WNT3A: variants seen among roughly 807,000 people sequenced by gnomAD.
The protein encoded by WNT3A is Wnt family member 3A, also known as protein Wnt-3a.
Under a neutral mutation model 37.0 loss-of-function variants are expected in WNT3A, and 17 were observed. That is an observed-to-expected ratio of 0.46 (90% confidence interval 0.31 to 0.69). The LOEUF is 0.69. WNT3A is among the 30% of genes least tolerant of loss of function. WNT3A has a pLI of 0.05. For synonymous variants in WNT3A, 187 were observed against 211.0 expected, an observed-to-expected ratio of 0.89 and a Z score of 0.99; for missense variants, 411 against 510.2, an observed-to-expected ratio of 0.81 and a Z score of 1.87.
chr1:228,055,409 G>A (rs1287337036), intron 3 of WNT3A, among the ~76,000 whole-genome samples: 2 of 150,488 alleles, frequency 1.3e-5, no homozygotes, highest in Non-Finnish European at 3.0e-5. Flanking sequence ...AATATAAATA[G>A]ATACAGGTAG....
At position 228,023,171 on chromosome 1, in the gene WNT3A, G is replaced by A. The variant is rs181035436; in HGVS notation, c.313+263G>A. Among the ~76,000 whole-genome samples, 606 of 152,354 alleles carry A rather than the reference G, an allele frequency of 4.0e-3. 14 individuals are homozygous for A. The highest frequency in any genetic ancestry group is 0.035 in the Admixed American group (542 of 15,306). On this transcript the variant is annotated intron_variant, in intron 2 of 3. Transcript: ENST00000284523. Reference sequence around the variant, plus strand: ...GGTGACTCCAACCATGGCCAGTGGCGGGGCTGCTCCCAGGAGCCAGGGCAC... The same window carrying A: ...GGTGACTCCAACCATGGCCAGTGGCAGGGCTGCTCCCAGGAGCCAGGGCAC...
chr1:228,032,586 T>C (rs2031036786), intron 2 of WNT3A, among the ~76,000 whole-genome samples: 1 of 152,224 alleles, frequency 6.6e-6, no homozygotes, highest in Non-Finnish European at 1.5e-5. Context: ...ATATTTTGTT[T>C]ATCCATTCAC....
In WNT3A at chr1:228,037,885, C is replaced by G. The variant is rs1486614362; in HGVS notation, c.314-12771C>G. 6.6e-6 allele frequency among the ~76,000 whole-genome samples: 1 copy of G among 152,222 alleles called. No homozygotes were observed. The highest frequency in any genetic ancestry group is 1.5e-5 in the Non-Finnish European group (1 of 68,018). ...TTAAAGCGTCTGAATGGGGATTTCC[C>G]CTCGCGCCGGACGGCCTGGCGCGCG... On this transcript the variant is annotated intron_variant, in intron 2 of 3. Coordinates refer to ENST00000284523, the MANE Select transcript of WNT3A (RefSeq NM_033131.4). This position sits in a 1 kb window ranked among gnomAD's most constrained non-coding sequence, Gnocchi z 4.1.
intron 1 of WNT3A, among the ~76,000 whole-genome samples, chr1:228,014,721 T>G (rs1450059929): frequency 2.0e-5 from 3 of 152,374 alleles, no homozygotes; most frequent in African/African-American, 7.2e-5. Context: ...TGGCCCGGAC[T>G]GGGCTGGCCT....
At chr1:228,051,446 G>A (rs568634710) in intron 3 of WNT3A, among the ~76,000 whole-genome samples, 21 of 152,302 alleles carry the variant, frequency 1.4e-4, no homozygotes, top group Admixed American at 3.3e-4. Context: ...GTAAAGCTTC[G>A]TGAGCCTGTG....
intron 2 of WNT3A, among the ~76,000 whole-genome samples, chr1:228,043,746 A>C (rs2031341045): frequency 6.6e-6 from 1 of 152,124 alleles, no homozygotes; most frequent in Non-Finnish European, 1.5e-5. Flanking sequence ...ACCTGTGGAA[A>C]TCTGATCAAA....
At chr1:228,024,638 T>C (rs58445702) in intron 2 of WNT3A, among the ~76,000 whole-genome samples, 2,236 of 152,238 alleles carry the variant, frequency 0.015, 68 homozygotes, top group African/African-American at 0.049. Flanking sequence ...TGTGAGAGTG[T>C]CCTTTGATAC....
chr1:228,059,549 A>C lies in WNT3A; in HGVS notation c.*84A>C. The C allele has an allele frequency of 1.4e-6, 2 of 1,414,106 alleles. No individual in the cohort carries two copies. The highest frequency in any genetic ancestry group is 1.8e-6 in the Non-Finnish European group (2 of 1,090,032). The allele number at this position is 1,414,106 out of a possible 1,614,324, so 87.6% of individuals were successfully genotyped here. A position where few individuals can be genotyped will look rare whatever the true frequency, so the allele number is the denominator to read the frequency against. On this transcript the variant is annotated 3_prime_UTR_variant, in exon 4 of 4. Transcript: ENST00000284523. ...TGGGTGGAGCAGGACTCCCACCTAA[A>C]CGGGGCAGTACTCCTCCCTGGGGGC...
intron 2 of WNT3A, among the ~76,000 whole-genome samples, chr1:228,027,015 G>C (rs1281899975): frequency 6.6e-6 from 1 of 151,934 alleles, no homozygotes; most frequent in Non-Finnish European, 1.5e-5. Context: ...ACTAATTTTT[G>C]TTTTTTCAGT....
chr1:228,023,044 C>T, intron 2 of WNT3A, 136 bp downstream of exon 2: 3 of 1,376,630 alleles, frequency 2.2e-6, no homozygotes, highest in South Asian at 3.0e-5. Context: ...TTCCCGCTTA[C>T]CTCCAGGAGG....
At chr1:228,045,962 G>A (rs754153121) in intron 2 of WNT3A, among the ~76,000 whole-genome samples, 5 of 152,228 alleles carry the variant, frequency 3.3e-5, no homozygotes, top group East Asian at 1.9e-4. Context: ...CTAGGCAGCC[G>A]CGGCTAGGGA....
intron 2 of WNT3A, among the ~76,000 whole-genome samples, chr1:228,040,696 A>G (rs2031257395): frequency 6.6e-6 from 1 of 151,984 alleles, no homozygotes; most frequent in Non-Finnish European, 1.5e-5. Flanking sequence ...ATCCTGGCTA[A>G]CACGGTGAAA....
chr1:228,022,902 G>A lies in WNT3A; in HGVS notation c.307G>A (p.Asp103Asn). ...CCTGGCCATCTTCGGGCCCGTGCTGGACAAAGGTATGGGGGTGGTCTGGGG... is the reference window on the plus strand; with the variant it reads ...CCTGGCCATCTTCGGGCCCGTGCTGAACAAAGGTATGGGGGTGGTCTGGGG... ...DSLAIFGPVLDKATRESAFVH... is the reference protein window; with the variant it reads ...DSLAIFGPVLNKATRESAFVH... Residue 103 changes from aspartate to asparagine, a missense_variant, in exon 2 of 4, where the codon GAC becomes AAC. Physicochemically the swap from Asp to Asn is conservative, Grantham distance 23. Transcript: ENST00000284523. The A allele has an allele frequency of 6.2e-7, 1 of 1,606,892 alleles. No homozygotes were observed. The highest frequency in any genetic ancestry group is 8.5e-7 in the Non-Finnish European group (1 of 1,174,866).
chr1:228,060,324 C>T lies in WNT3A; in HGVS notation c.*859C>T, dbSNP rs2031777041. ...CCATGAAGCGAGTCGGGTCCCCAAC[C>T]CGTGCCCCTGGGATCCGAGGGCCCC... On this transcript the variant is annotated 3_prime_UTR_variant, in exon 4 of 4. Transcript: ENST00000284523. 1 of 1,346,570 alleles carries T rather than the reference C, an allele frequency of 7.4e-7. No individual in the cohort carries two copies. Among genetic ancestry groups the T allele is most frequent in the African/African-American group, 1.5e-5 (1 of 67,606 alleles). The allele number at this position is 1,346,570 out of a possible 1,614,324, so 83.4% of individuals were successfully genotyped here. A position where few individuals can be genotyped will look rare whatever the true frequency, so the allele number is the denominator to read the frequency against.
rs752736028 is a variant in WNT3A at position 228,031,216 on chromosome 1, G to A, written c.313+8308G>A. Among the ~76,000 whole-genome samples the A allele has an allele frequency of 3.4e-4, 52 of 152,246 alleles. No individual in the cohort carries two copies. The highest frequency in any genetic ancestry group is 1.1e-3 in the African/African-American group (45 of 41,460). On this transcript the variant is annotated intron_variant, in intron 2 of 3. Transcript: ENST00000284523. This position sits in a 1 kb window ranked among gnomAD's most constrained non-coding sequence, Gnocchi z 4.8. ...ACTGTGGGTCTGGGATGAGGAGGAC[G>A]TCCCTGAAGGACAAGTCAGGGTCCC...
At chr1:228,056,183 C>T (rs1023380386) in intron 3 of WNT3A, among the ~76,000 whole-genome samples, 1 of 152,340 alleles carries the variant, frequency 6.6e-6, no homozygotes, top group South Asian at 2.1e-4. Flanking sequence ...TGTACAGGAA[C>T]TTCCAATAAG....
chr1:228,042,556 T>A lies in WNT3A; in HGVS notation c.314-8100T>A, dbSNP rs1252955158. Among the ~76,000 whole-genome samples the A allele has an allele frequency of 6.6e-6, 1 of 151,892 alleles. No individual in the cohort carries two copies. The highest frequency in any genetic ancestry group is 1.5e-5 in the Non-Finnish European group (1 of 67,972). The stretch of plus-strand genomic sequence containing the variant: ...AATGTACAGATGATGAAGGGGATGA[T>A]GGATGGATGATGGTTGAATGGTGGA... On this transcript the variant is annotated intron_variant, in intron 2 of 3. Coordinates refer to ENST00000284523, the MANE Select transcript of WNT3A (RefSeq NM_033131.4). This position sits in a 1 kb window ranked among gnomAD's most constrained non-coding sequence, Gnocchi z 5.2.
rs2031778062 is a variant in WNT3A at position 228,060,382 on chromosome 1, C to T, written c.*917C>T. On this transcript the variant is annotated 3_prime_UTR_variant, in exon 4 of 4. Transcript: ENST00000284523. Reference sequence around the variant, plus strand: ...GCGCCTGGCTTTGGAATGCTCCAGGCGCGCCGACGCCTGTGCCACCCCTTC... The same window carrying T: ...GCGCCTGGCTTTGGAATGCTCCAGGTGCGCCGACGCCTGTGCCACCCCTTC... The T allele has an allele frequency of 1.8e-6, 2 of 1,117,166 alleles. No homozygotes were observed. Among genetic ancestry groups the T allele is most frequent in the Non-Finnish European group, 2.4e-6 (2 of 823,580 alleles). 69.2% of individuals were successfully genotyped at this position (1,117,166 alleles called of 1,614,324 possible). A position where few individuals can be genotyped will look rare whatever the true frequency, so the allele number is the denominator to read the frequency against.
chr1:228,013,868 G>C (rs1483543749), intron 1 of WNT3A, among the ~76,000 whole-genome samples: 1 of 152,238 alleles, frequency 6.6e-6, no homozygotes, highest in East Asian at 1.9e-4. Flanking sequence ...CGCCCATGGA[G>C]TGGCCCTGAT....
Sources: allele counts gnomAD v4.1 joint callset (sites outside exome capture counted in the v4.1 genomes callset), GRCh38; gene constraint gnomAD v4.1.1; non-coding constraint Gnocchi (gnomAD v3.1); transcripts MANE v1.5; gene names NCBI Gene and HGNC (gene_info 2026-07-23, HGNC 2026-07-21).